RARB: variants seen among roughly 807,000 people sequenced by gnomAD.
RARB encodes retinoic acid receptor beta.
Under a neutral mutation model 51.9 loss-of-function variants are expected in RARB, and 17 were observed. The ratio of observed to expected loss-of-function variants is 0.33; its 90% confidence interval spans 0.22 to 0.49. The LOEUF (loss-of-function observed/expected upper bound fraction) is 0.49. RARB is among the 20% of genes least tolerant of loss of function. RARB has a pLI of 0.99. For synonymous variants in RARB, 215 were observed against 195.4 expected (o/e 1.10, Z -0.84); for missense variants, 369 against 550.8 (o/e 0.67, Z 3.30).
chr3:25,146,026 A>C (rs1436864349), intron 4 of RARB, among the ~76,000 whole-genome samples: 2 of 152,066 alleles, frequency 1.3e-5, no homozygotes, highest in African/African-American at 4.8e-5. Context: ...TTCATGCCTA[A>C]GAGACATACT....
intron 3 of RARB, among the ~76,000 whole-genome samples, chr3:25,562,016 C>G (rs941636270): frequency 6.6e-6 from 1 of 151,760 alleles, no homozygotes; most frequent in South Asian, 2.1e-4. Context: ...ACTTTTTTAC[C>G]CTGCTCAACT....
chr3:24,962,000 G>A (rs896473662), intron 2 of RARB, among the ~76,000 whole-genome samples: 29 of 127,140 alleles, frequency 2.3e-4, no homozygotes, highest in African/African-American at 8.4e-4. Flanking sequence ...CGCTATCATG[G>A]CTCACTGCAA....
intron 5 of RARB, among the ~76,000 whole-genome samples, chr3:25,178,228 C>A (rs1197880919): frequency 6.6e-6 from 1 of 151,896 alleles, no homozygotes; most frequent in East Asian, 1.9e-4. Flanking sequence ...GTGTACATGC[C>A]CTTGTCTTTG....
At chr3:25,056,274 A>C (rs1389495016) in intron 2 of RARB, among the ~76,000 whole-genome samples, 1 of 152,140 alleles carries the variant, frequency 6.6e-6, no homozygotes, top group Non-Finnish European at 1.5e-5. Flanking sequence ...GAAAGCTTCC[A>C]AATGGCTGGG....
intron 2 of RARB, among the ~76,000 whole-genome samples, chr3:24,885,852 A>G (rs1258464756): frequency 2.6e-5 from 4 of 152,238 alleles, no homozygotes; most frequent in Admixed American, 1.3e-4. Context: ...GTGAAGTTGT[A>G]TCATATGTGC....
At chr3:25,280,449 CAG>C (rs1319925421) in intron 5 of RARB, among the ~76,000 whole-genome samples, 1 of 152,106 alleles carries the variant, frequency 6.6e-6, no homozygotes, top group African/African-American at 2.4e-5. Flanking sequence ...TGAACCCCAT[CAG>C]AGTGAAGAGC....
chr3:25,007,689 T>A (rs1697306056), intron 2 of RARB, among the ~76,000 whole-genome samples: 1 of 151,704 alleles, frequency 6.6e-6, no homozygotes, highest in Admixed American at 6.6e-5. Context: ...TAATGAGTAC[T>A]GCCTTATAAG....
At position 25,172,885 on chromosome 3, in the gene RARB, C is replaced by G. The variant is rs148561649; in HGVS notation, c.-279-1234C>G. ...CCATTCTGAAGTAAATTCTATTATTCTTATTTTACAGGAAAAAAAAATAAC... is the reference window on the plus strand; with the variant it reads ...CCATTCTGAAGTAAATTCTATTATTGTTATTTTACAGGAAAAAAAAATAAC... On this transcript the variant is annotated intron_variant, in intron 4 of 11. Coordinates refer to the RARB transcript ENST00000383772. Among the ~76,000 whole-genome samples, 644 of 152,016 alleles carry G rather than the reference C, an allele frequency of 4.2e-3. 3 individuals are homozygous for G. Among genetic ancestry groups the G allele is most frequent in the African/African-American group, 0.015 (615 of 41,412 alleles).
chr3:25,123,901 T>C (rs1313348608), intron 3 of RARB, among the ~76,000 whole-genome samples: 2 of 152,170 alleles, frequency 1.3e-5, no homozygotes, highest in African/African-American at 4.8e-5. Context: ...AAAAAGTCAA[T>C]AGCAAGCATC....
At chr3:25,161,307 A>G (rs1046054380) in intron 4 of RARB, among the ~76,000 whole-genome samples, 1 of 151,686 alleles carries the variant, frequency 6.6e-6, no homozygotes, top group Admixed American at 6.6e-5. Context: ...TCAGCCTCCC[A>G]AAGTGCTGGG....
intron 5 of RARB, among the ~76,000 whole-genome samples, chr3:25,334,884 C>G (rs1199353531): frequency 6.6e-6 from 1 of 152,098 alleles, no homozygotes. Flanking sequence ...TGGCTTCATT[C>G]AATTCAAGCT....
intron 5 of RARB, chr3:25,174,669 A>G (rs1186582327): frequency 1.7e-6 from 2 of 1,148,008 alleles, no homozygotes. Context: ...GCAATTTCTT[A>G]TTTCATTGGG....
intron 1 of RARB, among the ~76,000 whole-genome samples, chr3:25,433,627 AGAGTT>A: frequency 6.6e-6 from 1 of 152,296 alleles, no homozygotes; most frequent in South Asian, 2.1e-4. Flanking sequence ...GGAGAAGAGT[AGAGTT>A]AACTCAGGTT....
At chr3:25,372,254 A>G (rs1031249919) in intron 5 of RARB, among the ~76,000 whole-genome samples, 12 of 152,164 alleles carry the variant, frequency 7.9e-5, no homozygotes, top group African/African-American at 2.9e-4. Context: ...CTTTGCTGTG[A>G]GGCCTGTCCT....
chr3:25,460,728 G>A (rs1695138048), intron 1 of RARB, among the ~76,000 whole-genome samples: 1 of 152,182 alleles, frequency 6.6e-6, no homozygotes, highest in African/African-American at 2.4e-5. Flanking sequence ...GATTACAGGT[G>A]TGAGCTACAA....
intron 5 of RARB, among the ~76,000 whole-genome samples, chr3:25,363,302 C>T (rs1389755543): frequency 6.6e-6 from 1 of 152,130 alleles, no homozygotes; most frequent in African/African-American, 2.4e-5. Flanking sequence ...TAATTGATGG[C>T]TCCCAAATGT....
chr3:25,249,605 A>G (rs1005865886), intron 5 of RARB, among the ~76,000 whole-genome samples: 2 of 150,676 alleles, frequency 1.3e-5, no homozygotes, highest in Admixed American at 6.6e-5. Flanking sequence ...GTTTTCCTGA[A>G]GAGGTATCCA....
intron 5 of RARB, among the ~76,000 whole-genome samples, chr3:25,184,607 A>T (rs1317283149): frequency 1.3e-5 from 2 of 152,106 alleles, no homozygotes; most frequent in Non-Finnish European, 2.9e-5. Context: ...TCTTGGACAG[A>T]TTTTTAACCT....
chr3:25,396,863 G>A (rs1040409113), intron 5 of RARB, among the ~76,000 whole-genome samples: 5 of 152,112 alleles, frequency 3.3e-5, no homozygotes, highest in African/African-American at 1.2e-4. Flanking sequence ...AGCCAGCAAG[G>A]CCAGTTTCAC....
Sources: allele counts gnomAD v4.1 joint callset (sites outside exome capture counted in the v4.1 genomes callset), GRCh38; gene constraint gnomAD v4.1.1; transcripts MANE v1.5; gene names NCBI Gene and HGNC (gene_info 2026-07-23, HGNC 2026-07-21).